Variants in PRPF8 observed in about 807,000 individuals in gnomAD.
PRPF8 encodes pre-mRNA-processing-splicing factor 8.
Under a neutral mutation model 285.9 loss-of-function variants are expected in PRPF8, and 64 were observed. That is an observed-to-expected ratio of 0.22 (90% CI 0.18 to 0.28). The LOEUF is 0.28. PRPF8 is among the 10% of genes least tolerant of loss of function. PRPF8 has a pLI of 1.00. For missense variants in PRPF8, 1,426 were observed against 3,026.7 expected (o/e 0.47, Z 12.41); for synonymous variants, 1,325 against 1,118.2 (o/e 1.18, Z -3.69).
At chr17:1,677,404 A>G in intron 14 of PRPF8, 161 bp downstream of exon 14, 1 of 1,150,798 alleles carries the variant, frequency 8.7e-7, no homozygotes, top group Non-Finnish European at 1.3e-6. Flanking sequence ...CCCAGAAGGA[A>G]GCCCAAGAAA....
chr17:1,672,160 A>C lies in PRPF8; in HGVS notation c.3774+921T>G, dbSNP rs563814055. Among the ~76,000 whole-genome samples the C allele has an allele frequency of 5.3e-5, 8 of 152,352 alleles. No homozygotes were observed. In the South Asian group the frequency reaches 1.7e-3, roughly 32 times the overall value. Reference sequence around the variant, plus strand: ...CGTATCCTTAACAGACTTAACTAAAAAACAGAAAACATTCTGCGCATGCAA... The same window carrying C: ...CGTATCCTTAACAGACTTAACTAAACAACAGAAAACATTCTGCGCATGCAA... On this transcript the variant is annotated intron_variant, in intron 24 of 42. Transcript: ENST00000304992.
At chr17:1,664,570 G>T (rs8078639) in intron 24 of PRPF8, among the ~76,000 whole-genome samples, 1,564 of 151,958 alleles carry the variant, frequency 0.01, 31 homozygotes, top group African/African-American at 0.036. Flanking sequence ...TCTTTGGAAG[G>T]CTGAGGCAGG....
In PRPF8 at chr17:1,659,709, C is replaced by A; in HGVS notation, c.4946+132G>T. 4 of 1,375,974 alleles carry A rather than the reference C, an allele frequency of 2.9e-6. 1 individual carries two copies. In the Middle Eastern group the frequency reaches 6.5e-4, roughly 223 times the overall value. 85.2% of individuals were successfully genotyped at this position (1,375,974 alleles called of 1,614,324 possible). On this transcript the variant is annotated intron_variant, in intron 31 of 42. Transcript: ENST00000304992. The surrounding 1 kb of genome is among the most constrained non-coding windows in gnomAD (Gnocchi z 5.1). Reference sequence around the variant, plus strand: ...CAGCAGATCTGACTAAGGGTGTTGACAGGCTCCAAGCGTAGCACTGGCTCC... The same window carrying A: ...CAGCAGATCTGACTAAGGGTGTTGAAAGGCTCCAAGCGTAGCACTGGCTCC...
Position 1,684,781 on chromosome 17 carries a change from C to T in PRPF8, c.-13G>A, listed in dbSNP as rs1913155219. 11 of 611,808 alleles carry T rather than the reference C, an allele frequency of 1.8e-5. No homozygotes were observed. The Admixed American group carries it at 3.1e-4, about 17-fold the overall frequency. 37.9% of individuals were successfully genotyped at this position (611,808 alleles called of 1,614,324 possible). A position where few individuals can be genotyped will look rare whatever the true frequency, so the allele number is the denominator to read the frequency against. ...CGGCCTTAAACGCCTGCCACGCACC[C>T]CACAGGCCCTCACACAAGAGGCCGC... On this transcript the variant is annotated splice_region_variant and 5_prime_UTR_variant, in exon 1 of 43. Transcript: ENST00000304992.
In PRPF8 at chr17:1,673,454, A is replaced by G; in HGVS notation, c.3560T>C (p.Phe1187Ser). 1 of 1,614,138 alleles carries G rather than the reference A, an allele frequency of 6.2e-7. No individual in the cohort carries two copies. Among genetic ancestry groups the G allele is most frequent in the Non-Finnish European group, 8.5e-7 (1 of 1,180,020 alleles). Residue 1187 changes from phenylalanine (F) to serine (S), a missense_variant, in exon 23 of 43, where the codon TTC becomes TCC. Phe to Ser is a radical substitution (Grantham distance 155, BLOSUM62 -2). Coordinates refer to ENST00000304992, the MANE Select transcript of PRPF8 (RefSeq NM_006445.4). The surrounding 1 kb of genome is among the most constrained non-coding windows in gnomAD (Gnocchi z 5.5). ...VYSKDNPNLLFNMCGFECRIL... is the reference protein window; with the variant it reads ...VYSKDNPNLLSNMCGFECRIL... ...GCGGCACTCGAAGCCACACATGTTG[A>G]ACAGCAGGTTGGGGTTGTCCTTACT...
In PRPF8 at chr17:1,675,486, T is replaced by G; in HGVS notation, c.2872+134A>C. ...GCTTTGACTATGGGCTTTTCCTCAG[T>G]TTAACACGAACACTACTTCCCTTTA... On this transcript the variant is annotated intron_variant, in intron 19 of 42. Coordinates refer to ENST00000304992, the MANE Select transcript of PRPF8 (RefSeq NM_006445.4). This position sits in a 1 kb window ranked among gnomAD's most constrained non-coding sequence, Gnocchi z 6.0. The G allele has an allele frequency of 6.9e-7, 1 of 1,450,464 alleles. No individual in the cohort carries two copies. The highest frequency in any genetic ancestry group is 9.6e-7 in the Non-Finnish European group (1 of 1,037,962). 89.8% of individuals were successfully genotyped at this position (1,450,464 alleles called of 1,614,324 possible).
chr17:1,684,847 G>A lies in PRPF8; in HGVS notation c.-79C>T, dbSNP rs74635192. 0.021 allele frequency: 12,565 copies of A among 595,558 alleles called. 279 individuals are homozygous for A. Among genetic ancestry groups the A allele is most frequent in the South Asian group, 0.07 (3,493 of 50,244 alleles). 36.9% of individuals were successfully genotyped at this position (595,558 alleles called of 1,614,324 possible). On this transcript the variant is annotated 5_prime_UTR_variant, in exon 1 of 43. Transcript: ENST00000304992. ...ATGGCGGCCAGACTGCGTCCGCTCC[G>A]CGTTCCCAGCGCCGGGAAGTGCGCA...
At chr17:1,656,599 C>G in intron 35 of PRPF8, 34 bp from the exon 36 acceptor site, 1 of 1,614,056 alleles carries the variant, frequency 6.2e-7, no homozygotes, top group Non-Finnish European at 8.5e-7. Context: ...TGAGAAACAG[C>G]CTGAAGGTCT....
At position 1,661,525 on chromosome 17, in the gene PRPF8, T is replaced by A. The variant is rs183947597; in HGVS notation, c.4202+86A>T. The A allele has an allele frequency of 1.9e-6, 3 of 1,608,800 alleles. No homozygotes were observed. In the East Asian group the frequency reaches 6.7e-5, roughly 36 times the overall value. ...CAGCCTTCTCACCTCCATACAACCA[T>A]GGCATGCTCTGACCCTGAACTCCAC... On this transcript the variant is annotated intron_variant, in intron 26 of 42. Coordinates refer to ENST00000304992, the MANE Select transcript of PRPF8 (RefSeq NM_006445.4). The surrounding 1 kb of genome is among the most constrained non-coding windows in gnomAD (Gnocchi z 7.3).
In PRPF8 at chr17:1,659,815, C is replaced by G; in HGVS notation, c.4946+26G>C. ...AGGAAAACGAAAGTGTCCTGGCTGC[C>G]TAGGGCTGGGTCCTGAGGCACTTAC... On this transcript the variant is annotated intron_variant, in intron 31 of 42. Transcript: ENST00000304992. This position sits in a 1 kb window ranked among gnomAD's most constrained non-coding sequence, Gnocchi z 5.1. The G allele has an allele frequency of 6.2e-7, 1 of 1,612,634 alleles. No individual in the cohort carries two copies. The highest frequency in any genetic ancestry group is 8.5e-7 in the Non-Finnish European group (1 of 1,178,822).
chr17:1,669,597 T>C (rs1305512448), intron 24 of PRPF8, among the ~76,000 whole-genome samples: 1 of 152,320 alleles, frequency 6.6e-6, no homozygotes, highest in East Asian at 1.9e-4. Flanking sequence ...CCATGAAGCC[T>C]CACCCACTGC....
chr17:1,656,313 G>A, intron 36 of PRPF8, 79 bp downstream of exon 36: 1 of 1,576,110 alleles, frequency 6.3e-7, no homozygotes. Context: ...TGTGAAAATG[G>A]CAAAAACCTG....
Position 1,676,496 on chromosome 17 carries a change from C to T in PRPF8, c.2388+9G>A. 6.2e-7 allele frequency: 1 copy of T among 1,614,170 alleles called. No individual in the cohort carries two copies. The highest frequency in any genetic ancestry group is 8.5e-7 in the Non-Finnish European group (1 of 1,180,020). ...CCACTCACACCCAGCCCAGCCTACT[C>T]TGCCCAACCTTCAGGTAGTTGTGCT... On this transcript the variant is annotated intron_variant, in intron 16 of 42. Transcript: ENST00000304992. This position sits in a 1 kb window ranked among gnomAD's most constrained non-coding sequence, Gnocchi z 6.3.
At chr17:1,664,467 C>G (rs1176478766) in intron 24 of PRPF8, among the ~76,000 whole-genome samples, 4 of 152,102 alleles carry the variant, frequency 2.6e-5, no homozygotes, top group Non-Finnish European at 5.9e-5. Flanking sequence ...TATTTTCCAG[C>G]ACACATAGGA....
chr17:1,665,130 A>G (rs1268121058), intron 24 of PRPF8, among the ~76,000 whole-genome samples: 1 of 138,900 alleles, frequency 7.2e-6, no homozygotes, highest in Non-Finnish European at 1.5e-5. Flanking sequence ...ACTGCACTCT[A>G]GCCCGGGCGA....
Position 1,661,820 on chromosome 17 carries a change from AAAAAT to A in PRPF8, c.4023-35_4023-31del. ...TTGGGTGTACAACCAAGATTACAGA[AAAAAT>A]AAAGCCTAAAACTAAAGAAATACCC... On this transcript the variant is annotated intron_variant, in intron 25 of 42. Coordinates refer to ENST00000304992, the MANE Select transcript of PRPF8 (RefSeq NM_006445.4). This position sits in a 1 kb window ranked among gnomAD's most constrained non-coding sequence, Gnocchi z 7.3. 1 of 1,614,190 alleles carries A rather than the reference AAAAAT, an allele frequency of 6.2e-7. No homozygotes were observed. The highest frequency in any genetic ancestry group is 8.5e-7 in the Non-Finnish European group (1 of 1,180,052).
At chr17:1,668,100 C>T (rs939144334) in intron 24 of PRPF8, among the ~76,000 whole-genome samples, 2 of 152,232 alleles carry the variant, frequency 1.3e-5, no homozygotes, top group African/African-American at 4.8e-5. Flanking sequence ...AATTGAGGCC[C>T]AGCATGGGCA....
chr17:1,673,423 C>A lies in PRPF8; in HGVS notation c.3591G>T (p.Leu1197=). 1.2e-6 allele frequency: 2 copies of A among 1,614,148 alleles called. No homozygotes were observed. The highest frequency in any genetic ancestry group is 1.7e-6 in the Non-Finnish European group (2 of 1,180,034). ...CCTCATAGCTGGTGCGGCACTTAGG[C>A]AGGATGCGGCACTCGAAGCCACACA... The part of the protein sequence containing the change: ...FNMCGFECRI[L]PKCRTSYEEF... The change falls in exon 23 of 43, where the codon CTG becomes CTT. Residue 1197 remains leucine, a synonymous_variant. Coordinates refer to ENST00000304992, the MANE Select transcript of PRPF8 (RefSeq NM_006445.4). This position sits in a 1 kb window ranked among gnomAD's most constrained non-coding sequence, Gnocchi z 5.5.
intron 2 of PRPF8, among the ~76,000 whole-genome samples, chr17:1,684,059 G>A (rs1025510482): frequency 2.6e-5 from 4 of 151,862 alleles, no homozygotes; most frequent in Admixed American, 1.3e-4. Flanking sequence ...ACTCATTTTT[G>A]TATTTTTCGT....
Sources: allele counts gnomAD v4.1 joint callset (sites outside exome capture counted in the v4.1 genomes callset), GRCh38; gene constraint gnomAD v4.1.1; non-coding constraint Gnocchi (gnomAD v3.1); transcripts MANE v1.5; gene names NCBI Gene and HGNC (gene_info 2026-07-23, HGNC 2026-07-21).